SLC39A11: variants seen among roughly 807,000 people sequenced by gnomAD.
SLC39A11 encodes the protein solute carrier family 39 member 11.
SLC39A11 carries 33 observed loss-of-function variants against 36.1 expected under a neutral mutation model. That is an observed-to-expected ratio of 0.91 (90% CI 0.69 to 1.22). The LOEUF is 1.22. Among genes scored for constraint, SLC39A11 ranks in the 50% most tolerant of loss-of-function variants. The pLI is 0.00. For missense variants in SLC39A11, 432 were observed against 430.3 expected (o/e 1.00, Z -0.03); for synonymous variants, 166 against 170.3 (o/e 0.97, Z 0.20).
intron 6 of SLC39A11, among the ~76,000 whole-genome samples, chr17:72,749,881 G>C (rs1019878): frequency 1.3e-5 from 2 of 152,022 alleles, no homozygotes; most frequent in Non-Finnish European, 2.9e-5. Context: ...GCTCAGATTC[G>C]TAAAACACTA....
Position 72,701,669 on chromosome 17 carries a change from A to G in SLC39A11, c.671+34981T>C, listed in dbSNP as rs1395266285. On this transcript the variant is annotated intron_variant, in intron 7 of 9. Coordinates refer to ENST00000255559, the MANE Select transcript of SLC39A11 (RefSeq NM_139177.4). The stretch of plus-strand genomic sequence containing the variant: ...CTTGAACCTGGGAGGCGGAGGTTGC[A>G]GGGAGCCGAGGTTGTACCACTGTAC... Among the ~76,000 whole-genome samples, 5 of 137,846 alleles carry G rather than the reference A, an allele frequency of 3.6e-5. No homozygotes were observed. In the East Asian group the frequency reaches 1.2e-3, roughly 34 times the overall value. The allele number at this position is 137,846 out of a possible 152,430, so 90.4% of individuals were successfully genotyped here. A position where few individuals can be genotyped will look rare whatever the true frequency, so the allele number is the denominator to read the frequency against.
chr17:72,865,377 G>A (rs1408422386), intron 5 of SLC39A11, among the ~76,000 whole-genome samples: 3 of 131,542 alleles, frequency 2.3e-5, no homozygotes, highest in Non-Finnish European at 4.7e-5. Flanking sequence ...ATGCTCATAT[G>A]TTTCTATGTG....
In SLC39A11 at chr17:73,020,680, CTTTTT is replaced by C. The variant is rs71154945; in HGVS notation, c.306+10871_306+10875del. Reference sequence around the variant, plus strand: ...TTTTGGGGGGTCTTTTTGTTTCTTTCTTTTTTTTTTTTTTTTTTTTTGAGACGGAG... The same window carrying C: ...TTTTGGGGGGTCTTTTTGTTTCTTTCTTTTTTTTTTTTTTTTGAGACGGAG... On this transcript the variant is annotated intron_variant, in intron 4 of 9. Coordinates refer to ENST00000255559, the MANE Select transcript of SLC39A11 (RefSeq NM_139177.4). Among the ~76,000 whole-genome samples, 156 of 98,898 alleles carry C rather than the reference CTTTTT, an allele frequency of 1.6e-3. No homozygotes were observed. In the East Asian group the frequency reaches 0.028, roughly 18 times the overall value. 64.9% of individuals were successfully genotyped at this position (98,898 alleles called of 152,430 possible).
chr17:72,716,639 A>T (rs775353479), intron 7 of SLC39A11, among the ~76,000 whole-genome samples: 11 of 152,158 alleles, frequency 7.2e-5, no homozygotes, highest in Non-Finnish European at 1.2e-4. Context: ...GATGGGGAAC[A>T]CACATGCAGA....
At chr17:73,027,065 T>A (rs1419576083) in intron 4 of SLC39A11, among the ~76,000 whole-genome samples, 1 of 152,184 alleles carries the variant, frequency 6.6e-6, no homozygotes, top group African/African-American at 2.4e-5. Context: ...AAGGCTACAG[T>A]AAGCCGCGAT....
chr17:73,044,365 A>G (rs1241347786), intron 3 of SLC39A11, among the ~76,000 whole-genome samples: 1 of 152,250 alleles, frequency 6.6e-6, no homozygotes, highest in Non-Finnish European at 1.5e-5. Flanking sequence ...CCTTAGCAAT[A>G]AAAGGGAACA....
At chr17:72,896,678 G>A (rs1464918570) in intron 5 of SLC39A11, among the ~76,000 whole-genome samples, 1 of 152,070 alleles carries the variant, frequency 6.6e-6, no homozygotes, top group Non-Finnish European at 1.5e-5. Context: ...GAAGTAGGAA[G>A]AGAAACACAG....
At chr17:72,793,975 G>T (rs2076805474) in intron 6 of SLC39A11, among the ~76,000 whole-genome samples, 1 of 152,160 alleles carries the variant, frequency 6.6e-6, no homozygotes. Flanking sequence ...AGAGTCTTCA[G>T]GTTGAAAGAA....
In SLC39A11 at chr17:72,770,683, G is replaced by A. The variant is rs114473526; in HGVS notation, c.602-33964C>T. 6.5e-3 allele frequency among the ~76,000 whole-genome samples: 985 copies of A among 152,284 alleles called. 8 individuals carry two copies. Among genetic ancestry groups the A allele is most frequent in the African/African-American group, 0.023 (941 of 41,540 alleles). On this transcript the variant is annotated intron_variant, in intron 6 of 9. Transcript: ENST00000255559. ...GGAATCTGCTTCTCAGAGGACCTGG[G>A]CTGATAACATCACCACATAGGCCAA...
chr17:72,825,643 GC>G (rs1165440364), intron 6 of SLC39A11, among the ~76,000 whole-genome samples: 10 of 152,238 alleles, frequency 6.6e-5, no homozygotes, highest in African/African-American at 2.4e-4. Context: ...CAGCCAAGAG[GC>G]TGTACCGCGC....
intron 5 of SLC39A11, among the ~76,000 whole-genome samples, chr17:72,862,572 A>G (rs566017629): frequency 2.0e-5 from 3 of 152,170 alleles, no homozygotes; most frequent in Non-Finnish European, 4.4e-5. Flanking sequence ...TCCTAATGGA[A>G]AACAAATGCC....
intron 4 of SLC39A11, among the ~76,000 whole-genome samples, chr17:73,010,696 T>C (rs2090460736): frequency 6.6e-6 from 1 of 152,122 alleles, no homozygotes. Flanking sequence ...TAGGCAAACA[T>C]AATTATGAAA....
chr17:72,978,014 G>A (rs190807368), intron 4 of SLC39A11, among the ~76,000 whole-genome samples: 154 of 152,322 alleles, frequency 1.0e-3, no homozygotes, highest in Non-Finnish European at 9.3e-4. Context: ...GTCAGTCTCC[G>A]AGCAAGCTTC....
chr17:72,773,373 G>A (rs1326788839), intron 6 of SLC39A11, among the ~76,000 whole-genome samples: 1 of 152,074 alleles, frequency 6.6e-6, no homozygotes, highest in Non-Finnish European at 1.5e-5. Flanking sequence ...TGAGTCATGG[G>A]GGTGGCTTCC....
chr17:72,745,038 C>T (rs1196350507), intron 6 of SLC39A11, among the ~76,000 whole-genome samples: 1 of 129,340 alleles, frequency 7.7e-6, no homozygotes, highest in African/African-American at 3.2e-5. Flanking sequence ...GATGGGGTTT[C>T]ACCATGTTGG....
chr17:73,067,263 T>A (rs1405210418), intron 3 of SLC39A11, among the ~76,000 whole-genome samples: 1 of 152,214 alleles, frequency 6.6e-6, no homozygotes, highest in Admixed American at 6.5e-5. Context: ...CCTTAGGTCA[T>A]ATGAATAAGT....
intron 6 of SLC39A11, among the ~76,000 whole-genome samples, chr17:72,836,382 C>G (rs541447468): frequency 1.5e-4 from 22 of 151,720 alleles, no homozygotes; most frequent in Middle Eastern, 3.4e-3. Flanking sequence ...GCTCTGTTAC[C>G]CAGGCTGGAG....
At chr17:72,711,761 C>G (rs2073112094) in intron 7 of SLC39A11, among the ~76,000 whole-genome samples, 1 of 152,142 alleles carries the variant, frequency 6.6e-6, no homozygotes, top group African/African-American at 2.4e-5. Context: ...AGTGACATCT[C>G]CCCTGGCTGC....
intron 4 of SLC39A11, among the ~76,000 whole-genome samples, chr17:72,990,659 C>A (rs8075458): frequency 0.53 from 80,463 of 151,868 alleles, 21,830 homozygotes; most frequent in Middle Eastern, 0.68. Context: ...AACTCCTGAC[C>A]TCAAGTGATT....
Sources: gnomAD v4.1 joint callset for allele counts (sites outside exome capture counted in the v4.1 genomes callset) on GRCh38, gnomAD v4.1.1 for gene constraint, MANE v1.5 for transcripts, NCBI Gene and HGNC (gene_info 2026-07-23, HGNC 2026-07-21) for gene names.